SYT17: variants seen among roughly 807,000 people sequenced by gnomAD.
The protein encoded by SYT17 is synaptotagmin 17.
A neutral mutation model predicts 46.7 loss-of-function variants in SYT17; 22 were observed. The ratio of observed to expected loss-of-function variants is 0.47; its 90% CI spans 0.34 to 0.67. The LOEUF (loss-of-function observed/expected upper bound fraction) is 0.67. Ranked by LOEUF, SYT17 falls within the 30% of genes least tolerant of loss-of-function variation. The probability of loss-of-function intolerance (pLI) is 0.01; values close to 1 mark genes in which losing one functional copy is unlikely to be tolerated. For synonymous variants in SYT17, 251 were observed against 248.4 expected (o/e 1.01, Z -0.10); for missense variants, 519 against 612.8 (o/e 0.85, Z 1.62).
chr16:19,260,387 G>T (rs1968882304), intron 7 of SYT17, among the ~76,000 whole-genome samples: 1 of 145,692 alleles, frequency 6.9e-6, no homozygotes, highest in Non-Finnish European at 1.5e-5. Context: ...GTGTGCACCT[G>T]TGGTCCCAGC....
intron 7 of SYT17, among the ~76,000 whole-genome samples, chr16:19,245,327 A>G (rs1293847604): frequency 6.6e-6 from 1 of 152,142 alleles, no homozygotes; most frequent in African/African-American, 2.4e-5. Flanking sequence ...AATATCCTAC[A>G]GTGAACACAT....
chr16:19,239,924 TC>T (rs1283774104), intron 7 of SYT17, among the ~76,000 whole-genome samples: 1 of 152,210 alleles, frequency 6.6e-6, no homozygotes, highest in African/African-American at 2.4e-5. Context: ...GGCAGGCAGT[TC>T]CAGGTGCCAG....
At chr16:19,193,803 C>T (rs920863957) in intron 5 of SYT17, among the ~76,000 whole-genome samples, 4 of 152,186 alleles carry the variant, frequency 2.6e-5, no homozygotes, top group Admixed American at 6.5e-5. Context: ...ATTTATTCAC[C>T]GAGTTCCCAT....
chr16:19,214,831 C>T (rs968764761), intron 5 of SYT17, among the ~76,000 whole-genome samples: 1 of 151,886 alleles, frequency 6.6e-6, no homozygotes, highest in Non-Finnish European at 1.5e-5. Context: ...GCTCTGTTGC[C>T]CAGGCTGGTG....
At chr16:19,217,480 T>C (rs1966140011) in intron 5 of SYT17, among the ~76,000 whole-genome samples, 1 of 152,240 alleles carries the variant, frequency 6.6e-6, no homozygotes, top group South Asian at 2.1e-4. Context: ...TATGTGATTT[T>C]TTGTGTCTGG....
intron 3 of SYT17, among the ~76,000 whole-genome samples, chr16:19,179,506 A>G (rs1375348966): frequency 2.6e-5 from 4 of 152,116 alleles, no homozygotes; most frequent in African/African-American, 9.7e-5. Context: ...GCCTCAAGGG[A>G]TCCTCCTGCC....
Position 19,223,131 on chromosome 16 carries a change from G to A in SYT17, c.1038G>A (p.Lys346=). ...TGAATGTTGATGTCATTCGAGCCAAGCAACTTCTTCAGACAGATGTGAGCC... is the reference window on the plus strand; with the variant it reads ...TGAATGTTGATGTCATTCGAGCCAAACAACTTCTTCAGACAGATGTGAGCC... ...GRLNVDVIRA[K]QLLQTDVSQG... Residue 346 remains lysine, a synonymous_variant, in exon 6 of 8, where the codon AAG becomes AAA. Transcript: ENST00000355377. 1 of 1,613,982 alleles carries A rather than the reference G, an allele frequency of 6.2e-7. No individual in the cohort carries two copies. The highest frequency in any genetic ancestry group is 8.5e-7 in the Non-Finnish European group (1 of 1,179,884).
intron 7 of SYT17, among the ~76,000 whole-genome samples, chr16:19,236,753 C>G (rs1227610981): frequency 1.3e-5 from 2 of 152,188 alleles, no homozygotes; most frequent in Non-Finnish European, 1.5e-5. Context: ...TACTCAGTCA[C>G]TGTGTGTGAC....
intron 7 of SYT17, among the ~76,000 whole-genome samples, chr16:19,263,033 T>A (rs1289298077): frequency 8.9e-6 from 1 of 111,954 alleles, no homozygotes; most frequent in Non-Finnish European, 1.8e-5. Flanking sequence ...AGGAGTCAGA[T>A]AATCTTTTTT....
At position 19,266,914 on chromosome 16, in the gene SYT17, C is replaced by T; in HGVS notation, c.1263C>T (p.Phe421=). The T allele has an allele frequency of 6.2e-7, 1 of 1,613,674 alleles. No individual in the cohort carries two copies. Among genetic ancestry groups the T allele is most frequent in the Non-Finnish European group, 8.5e-7 (1 of 1,179,974 alleles). Residue 421 remains phenylalanine (F), a synonymous_variant, in exon 8 of 8, where the codon TTC becomes TTT. Coordinates refer to ENST00000355377, the MANE Select transcript of SYT17 (RefSeq NM_016524.4). ...FGHNMKSSND[F]IGRIVIGQYS... is the part of the protein sequence containing the mutation. ...ACAACATGAAGAGCAGCAATGACTT[C>T]ATCGGGAGGATCGTCATTGGCCAGT...
intron 5 of SYT17, among the ~76,000 whole-genome samples, chr16:19,209,106 T>C (rs1965789193): frequency 6.6e-6 from 1 of 151,926 alleles, no homozygotes; most frequent in Admixed American, 6.6e-5. Context: ...TGACCTCAAG[T>C]GATCTGCCTG....
chr16:19,179,576 T>A (rs1567198929), intron 3 of SYT17, among the ~76,000 whole-genome samples: 1 of 152,166 alleles, frequency 6.6e-6, no homozygotes, highest in Admixed American at 6.5e-5. Context: ...CTCTACGCAT[T>A]TTATATGTGT....
intron 7 of SYT17, among the ~76,000 whole-genome samples, chr16:19,233,407 T>A (rs1966775938): frequency 6.6e-6 from 1 of 151,956 alleles, no homozygotes. Context: ...ATCCCAGTAC[T>A]TTGGGAGGCC....
In SYT17 at chr16:19,183,622, G is replaced by C. The variant is rs769892017; in HGVS notation, c.426G>C (p.Ser142=). The C allele has an allele frequency of 2.5e-6, 4 of 1,614,110 alleles. No individual in the cohort carries two copies. Among genetic ancestry groups the C allele is most frequent in the Non-Finnish European group, 3.4e-6 (4 of 1,180,032 alleles). Residue 142 remains serine, a synonymous_variant, in exon 5 of 8, where the codon TCG becomes TCC. Transcript: ENST00000355377. This position sits in a 1 kb window ranked among gnomAD's most constrained non-coding sequence, Gnocchi z 5.6. ...LSAKKEPIQP[S]VLRRTYNPDD... is the part of the protein sequence containing the mutation. ...CCAAGAAGGAGCCCATCCAACCTTC[G>C]GTGCTCAGACGGACCTATAACCCCG...
chr16:19,221,276 C>A (rs1325721797), intron 5 of SYT17, among the ~76,000 whole-genome samples: 2 of 150,150 alleles, frequency 1.3e-5, no homozygotes, highest in Admixed American at 1.3e-4. Context: ...CTGGATTTTA[C>A]AAGGTGGTGC....
chr16:19,256,437 A>AACACACACACACACACACACACACAC (rs57120408), intron 7 of SYT17, among the ~76,000 whole-genome samples: 9 of 129,032 alleles, frequency 7.0e-5, no homozygotes, highest in African/African-American at 2.7e-4. Context: ...CCCCTCTTCA[A>AACACACACACACACACACACACACAC]ACACACACAC....
intron 5 of SYT17, among the ~76,000 whole-genome samples, chr16:19,207,490 A>G (rs1458725939): frequency 1.3e-5 from 2 of 151,868 alleles, no homozygotes; most frequent in African/African-American, 2.4e-5. Flanking sequence ...CAAGGGGGGG[A>G]AAGAGATACC....
intron 7 of SYT17, among the ~76,000 whole-genome samples, chr16:19,228,885 C>T (rs1485478166): frequency 6.6e-6 from 1 of 152,222 alleles, no homozygotes; most frequent in Non-Finnish European, 1.5e-5. Flanking sequence ...TAAGGTTGGT[C>T]TGCAATTTAG....
chr16:19,255,920 C>T (rs1225823442), intron 7 of SYT17, among the ~76,000 whole-genome samples: 1 of 152,144 alleles, frequency 6.6e-6, no homozygotes, highest in Non-Finnish European at 1.5e-5. Flanking sequence ...CCCACATCTT[C>T]CTTGCTAGAT....
Sources: gnomAD v4.1 joint callset for allele counts (sites outside exome capture counted in the v4.1 genomes callset) on GRCh38, gnomAD v4.1.1 for gene constraint, Gnocchi (gnomAD v3.1) non-coding constraint, MANE v1.5 for transcripts, NCBI Gene and HGNC (gene_info 2026-07-23, HGNC 2026-07-21) for gene names.